CTNND2: variants seen among roughly 807,000 people sequenced by gnomAD.
The protein encoded by CTNND2 is catenin delta 2.
In CTNND2, 22 loss-of-function variants were observed where a neutral mutation model predicts 144.4. That is an observed-to-expected ratio of 0.15 (90% CI 0.11 to 0.22). The LOEUF is 0.22. Among genes scored for constraint, CTNND2 ranks in the 10% least tolerant of loss-of-function variants. The pLI, the probability that CTNND2 is intolerant of heterozygous loss-of-function variation, is 1.00. For synonymous variants in CTNND2, 751 were observed against 695.6 expected, an observed-to-expected ratio of 1.08 and a Z score of -1.25; for missense variants, 1,353 against 1,618.8, an observed-to-expected ratio of 0.84 and a Z score of 2.82.
intron 3 of CTNND2, among the ~76,000 whole-genome samples, chr5:11,454,949 A>T (rs1174170185): frequency 6.6e-6 from 1 of 151,910 alleles, no homozygotes; most frequent in Admixed American, 6.6e-5. Context: ...CTTTCTTAAA[A>T]ATCAGAAAAA....
At chr5:11,416,318 A>T (rs1472643560) in intron 3 of CTNND2, among the ~76,000 whole-genome samples, 2 of 152,240 alleles carry the variant, frequency 1.3e-5, no homozygotes, top group African/African-American at 4.8e-5. Flanking sequence ...AAAAAATATA[A>T]TTGGAAGTGA....
chr5:11,588,707 C>T (rs916814494), intron 2 of CTNND2: 2 of 958,086 alleles, frequency 2.1e-6, no homozygotes, highest in Non-Finnish European at 1.2e-6. Context: ...AAACCAAACG[C>T]GGTTAGTTTT....
At chr5:11,123,519 G>A (rs950455591) in intron 12 of CTNND2, among the ~76,000 whole-genome samples, 1 of 152,194 alleles carries the variant, frequency 6.6e-6, no homozygotes, top group African/African-American at 2.4e-5. Flanking sequence ...CAACTGTTTC[G>A]AGGCTGAGAG....
At position 11,199,552 on chromosome 5, in the gene CTNND2, G is replaced by T; in HGVS notation, c.1871C>A (p.Ala624Asp). The T allele has an allele frequency of 1.2e-6, 2 of 1,614,118 alleles. No individual in the cohort carries two copies. The stretch of plus-strand genomic sequence containing the variant: ...CAGGGCAATTTTGTTATCATCGTTG[G>T]CCTTCCCATACACCAGGTTTCTCAG... ...GALRNLVYGK[A>D]NDDNKIALKN... The change falls in exon 11 of 22, where the codon GCC (alanine) becomes GAC (aspartate). Residue 624 changes from alanine to aspartate, a missense_variant. This residue lies in a region of CTNND2 where 117 missense variants were observed against 117.8 expected (regional missense o/e 0.99). Transcript: ENST00000304623.
intron 9 of CTNND2, among the ~76,000 whole-genome samples, chr5:11,344,541 G>C (rs1754583089): frequency 6.6e-6 from 1 of 152,120 alleles, no homozygotes; most frequent in African/African-American, 2.4e-5. Context: ...TCCAGTTCTG[G>C]TTCTAGATTT....
intron 2 of CTNND2, among the ~76,000 whole-genome samples, chr5:11,692,500 C>T (rs540192056): frequency 1.1e-4 from 17 of 152,258 alleles, no homozygotes; most frequent in Admixed American, 6.5e-4. Flanking sequence ...GAGGATACCA[C>T]GTCTGAGGAG....
chr5:11,493,451 C>T (rs527471714), intron 3 of CTNND2, among the ~76,000 whole-genome samples: 1 of 152,332 alleles, frequency 6.6e-6, no homozygotes, highest in Admixed American at 6.5e-5. Flanking sequence ...ATCATTGATC[C>T]TGAAGGTTCC....
chr5:11,082,179 G>C (rs1260540707), intron 16 of CTNND2, among the ~76,000 whole-genome samples: 1 of 152,194 alleles, frequency 6.6e-6, no homozygotes, highest in Non-Finnish European at 1.5e-5. Flanking sequence ...AACAAAGCAG[G>C]CCATGAGTTT....
intron 2 of CTNND2, among the ~76,000 whole-genome samples, chr5:11,690,742 C>CAAAAAAAAAAAAAAAAAAAAAA (rs58799389): frequency 2.7e-5 from 1 of 36,532 alleles, no homozygotes; most frequent in Non-Finnish European, 7.5e-5. Context: ...GACTCCGTCT[C>CAAAAAAAAAAAAAAAAAAAAAA]AAAAAAAAAA....
intron 1 of CTNND2, among the ~76,000 whole-genome samples, chr5:11,864,014 A>AC (rs376094635): frequency 1.1e-3 from 170 of 152,276 alleles, no homozygotes; most frequent in Middle Eastern, 6.8e-3. Flanking sequence ...CTGCTGATTC[A>AC]CCACTGCTGC....
intron 9 of CTNND2, among the ~76,000 whole-genome samples, chr5:11,285,231 C>T (rs1388963384): frequency 6.6e-6 from 1 of 152,146 alleles, no homozygotes. Flanking sequence ...GGTAATTTTT[C>T]ATCCACTGAC....
intron 2 of CTNND2, among the ~76,000 whole-genome samples, chr5:11,668,316 T>G (rs1352497819): frequency 6.6e-6 from 1 of 152,222 alleles, no homozygotes; most frequent in Non-Finnish European, 1.5e-5. Flanking sequence ...CAATGGTAGC[T>G]TGATGGGGAT....
intron 9 of CTNND2, among the ~76,000 whole-genome samples, chr5:11,315,197 C>T (rs766120284): frequency 2.0e-5 from 3 of 152,160 alleles, no homozygotes; most frequent in Non-Finnish European, 4.4e-5. Flanking sequence ...CCTCTCCATA[C>T]TACCTTGTAC....
intron 3 of CTNND2, among the ~76,000 whole-genome samples, chr5:11,561,645 C>T (rs1011735216): frequency 2.6e-5 from 4 of 152,236 alleles, no homozygotes; most frequent in Non-Finnish European, 5.9e-5. Context: ...AAATTCCTAG[C>T]ATCCTCCTGT....
intron 3 of CTNND2, among the ~76,000 whole-genome samples, chr5:11,514,303 A>G (rs1266682395): frequency 6.6e-6 from 1 of 152,196 alleles, no homozygotes; most frequent in East Asian, 1.9e-4. Flanking sequence ...TTTAAAATAA[A>G]GCCTAATACC....
intron 10 of CTNND2, among the ~76,000 whole-genome samples, chr5:11,210,998 C>T (rs1278887520): frequency 1.3e-5 from 2 of 152,120 alleles, no homozygotes; most frequent in African/African-American, 4.8e-5. Flanking sequence ...AAGAGGATCT[C>T]GCAATTTTCT....
At chr5:11,453,924 T>C (rs1765501428) in intron 3 of CTNND2, among the ~76,000 whole-genome samples, 2 of 152,236 alleles carry the variant, frequency 1.3e-5, no homozygotes, top group African/African-American at 2.4e-5. Flanking sequence ...TTATGAAGAT[T>C]TGAAACTCAT....
At chr5:11,858,032 C>A (rs1224291928) in intron 1 of CTNND2, among the ~76,000 whole-genome samples, 1 of 152,160 alleles carries the variant, frequency 6.6e-6, no homozygotes, top group East Asian at 1.9e-4. Context: ...GTTGGACTTA[C>A]TCCCTCAAAA....
intron 2 of CTNND2, among the ~76,000 whole-genome samples, chr5:11,576,468 T>C (rs886345135): frequency 2.6e-5 from 4 of 151,616 alleles, no homozygotes; most frequent in Non-Finnish European, 4.4e-5. Context: ...TATTAGAAGA[T>C]GACAGCATCT....
Sources: gnomAD v4.1 joint callset for allele counts (sites outside exome capture counted in the v4.1 genomes callset) on GRCh38, gnomAD v4.1.1 for gene constraint, gnomAD v4.1.1 regional missense constraint, MANE v1.5 for transcripts, NCBI Gene and HGNC (gene_info 2026-07-23, HGNC 2026-07-21) for gene names.